Variants in RNF152 observed in about 807,000 individuals in gnomAD.
The protein encoded by RNF152 is E3 ubiquitin-protein ligase RNF152.
RNF152 carries 11 observed loss-of-function variants against 12.7 expected under a neutral mutation model. The observed-to-expected ratio is 0.86, with a 90% CI of 0.54 to 1.43. RNF152 has a LOEUF of 1.43. Among genes scored for constraint, RNF152 ranks in the 40% most tolerant of loss-of-function variants. The pLI is 0.00. For synonymous variants in RNF152, 113 were observed against 120.3 expected (o/e 0.94, Z 0.40); for missense variants, 255 against 274.8 (o/e 0.93, Z 0.51).
At chr18:61,832,293 G>A (rs1371314634) in intron 1 of RNF152, among the ~76,000 whole-genome samples, 1 of 152,018 alleles carries the variant, frequency 6.6e-6, no homozygotes, top group African/African-American at 2.4e-5. Flanking sequence ...CACAGTATAT[G>A]GATTTTTGTT....
At chr18:61,883,542 G>C (rs1298090918) in intron 1 of RNF152, among the ~76,000 whole-genome samples, 1 of 152,160 alleles carries the variant, frequency 6.6e-6, no homozygotes, top group African/African-American at 2.4e-5. Flanking sequence ...TACAAAGCCT[G>C]CTTCAGGATG....
intron 1 of RNF152, among the ~76,000 whole-genome samples, chr18:61,885,597 C>T (rs1037788387): frequency 6.6e-6 from 1 of 152,174 alleles, no homozygotes; most frequent in Admixed American, 6.5e-5. Flanking sequence ...CGTGAGCCAC[C>T]ACGCCCAGCC....
rs896720110 is a variant in RNF152 at position 61,809,213 on chromosome 18, C to T, written c.*6639G>A. ...GCTTCATGTCTCCCTTTCCCTCTCC[C>T]TCTCCCTCTACTTAATAGTTGCATT... On this transcript the variant is annotated 3_prime_UTR_variant, in exon 2 of 2. Coordinates refer to ENST00000312828, the MANE Select transcript of RNF152 (RefSeq NM_173557.3). 2 of 152,126 alleles carry T rather than the reference C, an allele frequency of 1.3e-5. No homozygotes were observed. The highest frequency in any genetic ancestry group is 1.3e-4 in the Admixed American group (2 of 15,270). 9.4% of individuals were successfully genotyped at this position (152,126 alleles called of 1,614,324 possible). A position where few individuals can be genotyped will look rare whatever the true frequency, so the allele number is the denominator to read the frequency against.
chr18:61,824,830 G>A (rs563698855), intron 1 of RNF152, among the ~76,000 whole-genome samples: 1 of 152,278 alleles, frequency 6.6e-6, no homozygotes, highest in Admixed American at 6.5e-5. Context: ...TAATCACTCA[G>A]TGACAGTCAA....
chr18:61,882,517 G>A (rs151235340), intron 1 of RNF152, among the ~76,000 whole-genome samples: 49 of 152,330 alleles, frequency 3.2e-4, no homozygotes, highest in African/African-American at 1.0e-3. Flanking sequence ...TTACAGAACT[G>A]GCAACCAACA....
intron 1 of RNF152, among the ~76,000 whole-genome samples, chr18:61,886,753 G>T (rs750367350): frequency 9.9e-5 from 15 of 152,216 alleles, no homozygotes; most frequent in Admixed American, 2.0e-4. Context: ...AAGCTTGAGT[G>T]AATTTCTATT....
chr18:61,874,908 T>A (rs1912148834), intron 1 of RNF152: 1 of 152,186 alleles, frequency 6.6e-6, no homozygotes, highest in Non-Finnish European at 1.5e-5. Context: ...ACACTCTTTA[T>A]GCTGACCTGG....
chr18:61,863,433 C>CA (rs34663065), intron 1 of RNF152, among the ~76,000 whole-genome samples: 7,196 of 90,636 alleles, frequency 0.079, 805 homozygotes, highest in African/African-American at 0.27. Flanking sequence ...GACTCCGTCT[C>CA]AAAAAAAAAA....
In RNF152 at chr18:61,812,918, A is replaced by T. The variant is rs967897013; in HGVS notation, c.*2934T>A. 6.6e-6 allele frequency: 1 copy of T among 152,184 alleles called. No homozygotes were observed. The highest frequency in any genetic ancestry group is 2.4e-5 in the African/African-American group (1 of 41,446). 9.4% of individuals were successfully genotyped at this position (152,184 alleles called of 1,614,324 possible). A position where few individuals can be genotyped will look rare whatever the true frequency, so the allele number is the denominator to read the frequency against. The stretch of plus-strand genomic sequence containing the variant: ...AGGGTATTCATCAACCCTAGAAAGG[A>T]TCATAGCCAGATAGAGATATAGACA... On this transcript the variant is annotated 3_prime_UTR_variant, in exon 2 of 2. Transcript: ENST00000312828.
Position 61,811,516 on chromosome 18 carries a change from T to C in RNF152, c.*4336A>G, listed in dbSNP as rs1429111507. The C allele has an allele frequency of 1.3e-5, 2 of 152,200 alleles. No individual in the cohort carries two copies. Among genetic ancestry groups the C allele is most frequent in the Non-Finnish European group, 2.9e-5 (2 of 68,032 alleles). 9.4% of individuals were successfully genotyped at this position (152,200 alleles called of 1,614,324 possible). The stretch of plus-strand genomic sequence containing the variant: ...TTAAAAAAGAAAGACACTAAAACAA[T>C]GTCAAATCTCATTCTAAAAATACTA... On this transcript the variant is annotated 3_prime_UTR_variant, in exon 2 of 2. Coordinates refer to ENST00000312828, the MANE Select transcript of RNF152 (RefSeq NM_173557.3).
At chr18:61,862,802 A>G (rs1044936204) in intron 1 of RNF152, among the ~76,000 whole-genome samples, 3 of 152,222 alleles carry the variant, frequency 2.0e-5, no homozygotes, top group African/African-American at 4.8e-5. Context: ...GGGGACCCCA[A>G]CTTGAAGCTG....
intron 1 of RNF152, among the ~76,000 whole-genome samples, chr18:61,832,747 C>T (rs4476269): frequency 0.46 from 69,486 of 151,970 alleles, 16,381 homozygotes; most frequent in Non-Finnish European, 0.53. Context: ...CAAATAAAAT[C>T]GACAGGATTT....
In RNF152 at chr18:61,816,604, A is replaced by C. The variant is rs1909109701; in HGVS notation, c.-135-6T>G. Reference sequence around the variant, plus strand: ...ACTCACAGGTGTGTTCATTTCTGAGAGAGACAAATAATGCAAACAATCTTA... The same window carrying C: ...ACTCACAGGTGTGTTCATTTCTGAGCGAGACAAATAATGCAAACAATCTTA... On this transcript the variant is annotated splice_region_variant and splice_polypyrimidine_tract_variant and intron_variant, in intron 1 of 1. Coordinates refer to ENST00000312828, the MANE Select transcript of RNF152 (RefSeq NM_173557.3). 1.2e-6 allele frequency: 1 copy of C among 805,532 alleles called. No homozygotes were observed. The allele number at this position is 805,532 out of a possible 1,614,324, so 49.9% of individuals were successfully genotyped here.
chr18:61,892,787 G>C lies in RNF152; in HGVS notation c.-136+8C>G, dbSNP rs1913019648. ...CACCCAGGCGCTACCCAGATCGTGG[G>C]GGGTTACCTGTATCTGTCACCGAGT... is the stretch of plus-strand genomic sequence containing the variant. On this transcript the variant is annotated splice_region_variant and intron_variant, in intron 1 of 1. Transcript: ENST00000312828. 1 of 152,158 alleles carries C rather than the reference G, an allele frequency of 6.6e-6. No individual in the cohort carries two copies. The highest frequency in any genetic ancestry group is 6.5e-5 in the Admixed American group (1 of 15,276). 9.4% of individuals were successfully genotyped at this position (152,158 alleles called of 1,614,324 possible).
chr18:61,833,506 T>G (rs112720047), intron 1 of RNF152, among the ~76,000 whole-genome samples: 1 of 152,094 alleles, frequency 6.6e-6, no homozygotes, highest in Non-Finnish European at 1.5e-5. Context: ...TTGTCGAAAC[T>G]CCTCTGCGTT....
In RNF152 at chr18:61,815,311, T is replaced by G. The variant is rs1220700466; in HGVS notation, c.*541A>C. 2 of 152,452 alleles carry G rather than the reference T, an allele frequency of 1.3e-5. No homozygotes were observed. The highest frequency in any genetic ancestry group is 4.8e-5 in the African/African-American group (2 of 41,460). 9.4% of individuals were successfully genotyped at this position (152,452 alleles called of 1,614,324 possible). A position where few individuals can be genotyped will look rare whatever the true frequency, so the allele number is the denominator to read the frequency against. On this transcript the variant is annotated 3_prime_UTR_variant, in exon 2 of 2. Coordinates refer to ENST00000312828, the MANE Select transcript of RNF152 (RefSeq NM_173557.3). Reference sequence around the variant, plus strand: ...AAATAAAATGACTGTCCATTTTGACTTATTTTGTTTTGGTGCCATTCAAAA... The same window carrying G: ...AAATAAAATGACTGTCCATTTTGACGTATTTTGTTTTGGTGCCATTCAAAA...
chr18:61,820,880 C>T (rs1909371112), intron 1 of RNF152, among the ~76,000 whole-genome samples: 1 of 152,170 alleles, frequency 6.6e-6, no homozygotes, highest in African/African-American at 2.4e-5. Flanking sequence ...AGCTGTGATA[C>T]CAGGCCAAAG....
At chr18:61,845,186 A>T (rs1910692617) in intron 1 of RNF152, among the ~76,000 whole-genome samples, 1 of 152,214 alleles carries the variant, frequency 6.6e-6, no homozygotes, top group African/African-American at 2.4e-5. Context: ...CCTGGACTCA[A>T]GCTATCCTCC....
At chr18:61,826,001 C>A in intron 1 of RNF152, among the ~76,000 whole-genome samples, 1 of 152,178 alleles carries the variant, frequency 6.6e-6, no homozygotes, top group East Asian at 1.9e-4. Flanking sequence ...GGTAGTATAT[C>A]CAGCTTCTAG....
Sources: allele counts gnomAD v4.1 joint callset (sites outside exome capture counted in the v4.1 genomes callset), GRCh38; gene constraint gnomAD v4.1.1; transcripts MANE v1.5; gene names NCBI Gene and HGNC (gene_info 2026-07-23, HGNC 2026-07-21).